PROK1: variants seen among roughly 807,000 people sequenced by gnomAD.
PROK1 encodes the protein prokineticin 1, also known as prokineticin-1.
A neutral mutation model predicts 8.8 loss-of-function variants in PROK1; 10 were observed. The observed-to-expected ratio is 1.13, with a 90% CI of 0.70 to 1.92. The LOEUF is 1.92. PROK1 is among the 30% of genes most tolerant of loss of function. PROK1 has a pLI of 0.00. For synonymous variants in PROK1, 57 were observed against 56.0 expected, an observed-to-expected ratio of 1.02 and a Z score of -0.08; for missense variants, 140 against 139.7, an observed-to-expected ratio of 1.00 and a Z score of -0.01.
chr1:110,451,378 C>T, intron 1 of PROK1, 90 bp downstream of exon 1: 1 of 1,121,522 alleles, frequency 8.9e-7, no homozygotes, highest in Admixed American at 1.8e-5. Flanking sequence ...GCAGGAGGCT[C>T]TGTTGGCTCA....
In PROK1 at chr1:110,453,992, G is replaced by A. The variant is rs1272936322; in HGVS notation, c.104G>A (p.Gly35Asp). 5.0e-6 allele frequency: 8 copies of A among 1,614,120 alleles called. No individual in the cohort carries two copies. The African/African-American group carries it at 5.3e-5, about 11-fold the overall frequency. Residue 35 changes from glycine (G) to aspartate (D), a missense_variant, in exon 2 of 3, where the codon GGC (glycine) becomes GAC (aspartate). Coordinates refer to ENST00000271331, the MANE Select transcript of PROK1 (RefSeq NM_032414.3). ...GAGCGGGATGTCCAGTGTGGGGCAG[G>A]CACCTGCTGTGCCATCAGCCTGTGG... ...ACERDVQCGA[G>D]TCCAISLWLR...
intron 1 of PROK1, among the ~76,000 whole-genome samples, chr1:110,452,887 C>A (rs1357550566): frequency 1.3e-5 from 2 of 152,208 alleles, no homozygotes. Flanking sequence ...GAAGAGTCGA[C>A]TGGGGTTTCC....
At chr1:110,453,839 C>CG in intron 1 of PROK1, 122 bp from the exon 2 acceptor site, 1 of 1,340,564 alleles carries the variant, frequency 7.5e-7, no homozygotes, top group Non-Finnish European at 1.1e-6. Flanking sequence ...AGGCTAAGGC[C>CG]GGGGGTGATA....
At chr1:110,451,644 G>T (rs897899278) in intron 1 of PROK1, among the ~76,000 whole-genome samples, 1 of 152,032 alleles carries the variant, frequency 6.6e-6, no homozygotes, top group Admixed American at 6.5e-5. Flanking sequence ...TCTTTTGTGT[G>T]AATTTTAATT....
At chr1:110,452,059 C>A (rs942257061) in intron 1 of PROK1, among the ~76,000 whole-genome samples, 4 of 152,180 alleles carry the variant, frequency 2.6e-5, no homozygotes, top group African/African-American at 9.7e-5. Flanking sequence ...GTAGCAGGAC[C>A]ATTCTTACTG....
chr1:110,456,605 C>T lies in PROK1; in HGVS notation c.*254C>T. ...GGCCAGCCTGGTTCTCTTCCCTGCTCAGGCTGCCAGAGAGGTGGTAAATGG... is the reference window on the plus strand; with the variant it reads ...GGCCAGCCTGGTTCTCTTCCCTGCTTAGGCTGCCAGAGAGGTGGTAAATGG... On this transcript the variant is annotated 3_prime_UTR_variant, in exon 3 of 3. Transcript: ENST00000271331. 1 of 520,938 alleles carries T rather than the reference C, an allele frequency of 1.9e-6. No homozygotes were observed. Among genetic ancestry groups the T allele is most frequent in the Non-Finnish European group, 3.5e-6 (1 of 285,944 alleles). 32.3% of individuals were successfully genotyped at this position (520,938 alleles called of 1,614,324 possible).
rs773074032 is a variant in PROK1, at chr1:110,454,071, C to A, written c.183C>A (p.His61Gln). ...TPLGREGEEC[H>Q]PGSHKVPFFR... ...TGGGGCGGGAAGGCGAGGAGTGCCA[C>A]CCCGGCAGCCACAAGGTACTCTGCA... is the stretch of plus-strand genomic sequence containing the variant. The change falls in exon 2 of 3, where the codon CAC becomes CAA. Residue 61 changes from histidine to glutamine, a missense_variant. Coordinates refer to ENST00000271331, the MANE Select transcript of PROK1 (RefSeq NM_032414.3). 1 of 1,613,556 alleles carries A rather than the reference C, an allele frequency of 6.2e-7. No individual in the cohort carries two copies. Among genetic ancestry groups the A allele is most frequent in the Non-Finnish European group, 8.5e-7 (1 of 1,179,884 alleles).
At chr1:110,454,134 G>A (rs751031662) in intron 2 of PROK1, 48 bp downstream of exon 2, 10 of 1,596,578 alleles carry the variant, frequency 6.3e-6, no homozygotes, top group East Asian at 4.5e-5. Context: ...TGGGCCATGC[G>A]GGGAGCAGAG....
At chr1:110,456,094 T>C in intron 2 of PROK1, 138 bp from the exon 3 acceptor site, 1 of 894,104 alleles carries the variant, frequency 1.1e-6, no homozygotes, top group Non-Finnish European at 1.8e-6. Flanking sequence ...ATTGCTATTA[T>C]TGTTGTGCTA....
rs1208655752 is a variant in PROK1, at chr1:110,456,689, C to G, written c.*338C>G. The stretch of plus-strand genomic sequence containing the variant: ...ACCTGCTCTCTTTCCTGGGCCCTGC[C>G]CCTCTCCCCACATGTATCCCTCGGT... On this transcript the variant is annotated 3_prime_UTR_variant, in exon 3 of 3. Coordinates refer to ENST00000271331, the MANE Select transcript of PROK1 (RefSeq NM_032414.3). 7.8e-6 allele frequency: 3 copies of G among 385,010 alleles called. No homozygotes were observed. The highest frequency in any genetic ancestry group is 3.7e-5 in the Admixed American group (1 of 27,258). 23.8% of individuals were successfully genotyped at this position (385,010 alleles called of 1,614,324 possible).
At chr1:110,456,181 G>T in intron 2 of PROK1, 51 bp from the exon 3 acceptor site, 1 of 1,602,174 alleles carries the variant, frequency 6.2e-7, no homozygotes, top group Non-Finnish European at 8.5e-7. Context: ...CTGCTGCCAG[G>T]AGGCCCACCT....
chr1:110,455,370 G>A (rs964703817), intron 2 of PROK1, among the ~76,000 whole-genome samples: 3 of 152,150 alleles, frequency 2.0e-5, no homozygotes, highest in Admixed American at 2.0e-4. Context: ...TCATCTCTAG[G>A]CACGGAGCGT....
rs529698394 is a variant in PROK1, at chr1:110,456,577, G to T, written c.*226G>T. 9 of 603,612 alleles carry T rather than the reference G, an allele frequency of 1.5e-5. No individual in the cohort carries two copies. The East Asian group carries it at 2.8e-4, about 19-fold the overall frequency. 37.4% of individuals were successfully genotyped at this position (603,612 alleles called of 1,614,324 possible). ...CACAGCTTGAGGCTGTGGTGTGAAA[G>T]GTGGCCAGCCTGGTTCTCTTCCCTG... On this transcript the variant is annotated 3_prime_UTR_variant, in exon 3 of 3. Coordinates refer to ENST00000271331, the MANE Select transcript of PROK1 (RefSeq NM_032414.3).
rs757864792 is a variant in PROK1 at position 110,454,044 on chromosome 1, G to T, written c.156G>T (p.Pro52=). ...LWLRGLRMCT[P]LGREGEECHP... ...TTCGAGGGCTGCGGATGTGCACCCC[G>T]CTGGGGCGGGAAGGCGAGGAGTGCC... is the stretch of plus-strand genomic sequence containing the variant. The change falls in exon 2 of 3, where the codon CCG becomes CCT. Residue 52 remains proline, a synonymous_variant. Coordinates refer to ENST00000271331, the MANE Select transcript of PROK1 (RefSeq NM_032414.3). The T allele has an allele frequency of 1.2e-6, 2 of 1,614,066 alleles. No homozygotes were observed. Among genetic ancestry groups the T allele is most frequent in the South Asian group, 1.1e-5 (1 of 91,074 alleles).
Position 110,456,788 on chromosome 1 carries a change from G to T in PROK1, c.*437G>T. 3.5e-6 allele frequency: 1 copy of T among 285,822 alleles called. No individual in the cohort carries two copies. The highest frequency in any genetic ancestry group is 6.9e-6 in the Non-Finnish European group (1 of 145,396). The allele number at this position is 285,822 out of a possible 1,614,324, so 17.7% of individuals were successfully genotyped here. ...TCCCAGGTCCTGGCCTGACCCTCAGGCCCTTCACGTGAGGTCTGTGAGGAC... is the reference window on the plus strand; with the variant it reads ...TCCCAGGTCCTGGCCTGACCCTCAGTCCCTTCACGTGAGGTCTGTGAGGAC... On this transcript the variant is annotated 3_prime_UTR_variant, in exon 3 of 3. Transcript: ENST00000271331.
At chr1:110,454,206 G>A in intron 2 of PROK1, 120 bp downstream of exon 2, 2 of 1,326,152 alleles carry the variant, frequency 1.5e-6, no homozygotes, top group Non-Finnish European at 2.0e-6. Context: ...CAGAGAGGCA[G>A]TCTAGGGAGG....
chr1:110,453,536 T>C (rs1408502869), intron 1 of PROK1, among the ~76,000 whole-genome samples: 1 of 152,166 alleles, frequency 6.6e-6, no homozygotes, highest in South Asian at 2.1e-4. Flanking sequence ...TGGAGACTCC[T>C]GGTCCAAGGC....
Position 110,451,262 on chromosome 1 carries a change from G to C in PROK1, c.46G>C (p.Val16Leu), listed in dbSNP as rs1186803207. The change falls in exon 1 of 3, where the codon GTG becomes CTG. Residue 16 changes from valine to leucine, a missense_variant. Val to Leu is a conservative substitution (Grantham distance 32). Transcript: ENST00000271331. ...CTCAATCATGCTCCTCCTAGTAACT[G>C]TGTCTGACTGTGCTGTGATCACAGG... is the stretch of plus-strand genomic sequence containing the variant. The part of the protein sequence containing the change: ...RVSIMLLLVT[V>L]SDCAVITGAC... 3 of 1,614,182 alleles carry C rather than the reference G, an allele frequency of 1.9e-6. No homozygotes were observed. Among genetic ancestry groups the C allele is most frequent in the Non-Finnish European group, 2.5e-6 (3 of 1,180,040 alleles).
In PROK1 at chr1:110,454,042, C is replaced by T; in HGVS notation, c.154C>T (p.Pro52Ser). ...LWLRGLRMCTPLGREGEECHP... is the reference protein window; with the variant it reads ...LWLRGLRMCTSLGREGEECHP... ...GCTTCGAGGGCTGCGGATGTGCACC[C>T]CGCTGGGGCGGGAAGGCGAGGAGTG... The change falls in exon 2 of 3, where the codon CCG becomes TCG. Residue 52 changes from proline (P) to serine (S), a missense_variant. Physicochemically the swap from Pro to Ser is moderately conservative, Grantham distance 74 (BLOSUM62 -1). Transcript: ENST00000271331. 1.2e-6 allele frequency: 2 copies of T among 1,614,090 alleles called. No homozygotes were observed. The highest frequency in any genetic ancestry group is 1.7e-6 in the Non-Finnish European group (2 of 1,180,008).
Sources: gnomAD v4.1 joint callset for allele counts (sites outside exome capture counted in the v4.1 genomes callset) on GRCh38, gnomAD v4.1.1 for gene constraint, MANE v1.5 for transcripts, NCBI Gene and HGNC (gene_info 2026-07-23, HGNC 2026-07-21) for gene names.